The following TBC1D22B variants were observed in gnomAD, a reference collection of about 807,000 sequenced individuals.
TBC1D22B encodes the protein TBC1 domain family member 22B, also known as chromosome 6 open reading frame 197.
In TBC1D22B, 32 loss-of-function variants were observed where a neutral mutation model predicts 69.1. The ratio of observed to expected loss-of-function variants is 0.46; its 90% CI spans 0.35 to 0.62. The LOEUF is 0.62. Among genes scored for constraint, TBC1D22B ranks in the 20% least tolerant of loss-of-function variants. The probability of loss-of-function intolerance (pLI) is 0.00; values close to 1 mark genes in which losing one functional copy is unlikely to be tolerated. For synonymous variants in TBC1D22B, 206 were observed against 229.8 expected, an observed-to-expected ratio of 0.90 and a Z score of 0.94; for missense variants, 462 against 630.9, an observed-to-expected ratio of 0.73 and a Z score of 2.87.
At chr6:37,264,851 A>G (rs1766222260) in intron 1 of TBC1D22B, among the ~76,000 whole-genome samples, 1 of 152,178 alleles carries the variant, frequency 6.6e-6, no homozygotes, top group African/African-American at 2.4e-5. Context: ...GGGTTTAATA[A>G]GTTTGGAAGG....
intron 6 of TBC1D22B, among the ~76,000 whole-genome samples, chr6:37,286,273 T>C (rs544850316): frequency 2.6e-5 from 4 of 152,288 alleles, no homozygotes; most frequent in African/African-American, 9.6e-5. Flanking sequence ...TGTCAGTCAC[T>C]TCTTTCTGAA....
chr6:37,331,176 C>T lies in TBC1D22B; in HGVS notation c.*4C>T, dbSNP rs372761731. 23 of 1,613,934 alleles carry T rather than the reference C, an allele frequency of 1.4e-5. No individual in the cohort carries two copies. The highest frequency in any genetic ancestry group is 1.9e-5 in the Non-Finnish European group (22 of 1,179,864). On this transcript the variant is annotated 3_prime_UTR_variant, in exon 13 of 13. Coordinates refer to ENST00000373491, the MANE Select transcript of TBC1D22B (RefSeq NM_017772.4). Reference sequence around the variant, plus strand: ...CCCAAATCACTACCGCCGATAGGTGCTGTCTCCTCCGGGGACCCAGACTGC... The same window carrying T: ...CCCAAATCACTACCGCCGATAGGTGTTGTCTCCTCCGGGGACCCAGACTGC...
In TBC1D22B at chr6:37,313,760, C is replaced by T. The variant is rs1396372263; in HGVS notation, c.1090-56C>T. 1.5e-5 allele frequency: 22 copies of T among 1,515,982 alleles called. No individual in the cohort carries two copies. The East Asian group carries it at 4.7e-4, about 33-fold the overall frequency. The allele number at this position is 1,515,982 out of a possible 1,614,324, so 93.9% of individuals were successfully genotyped here. A position where few individuals can be genotyped will look rare whatever the true frequency, so the allele number is the denominator to read the frequency against. On this transcript the variant is annotated intron_variant, in intron 9 of 12. Transcript: ENST00000373491. ...CTTCTAAACGTGTTTCAGTGAATGTCAGGTGATAACACAAGTTAGAGTCCA... is the reference window on the plus strand; with the variant it reads ...CTTCTAAACGTGTTTCAGTGAATGTTAGGTGATAACACAAGTTAGAGTCCA...
At chr6:37,280,898 T>C (rs1766805886) in intron 3 of TBC1D22B, among the ~76,000 whole-genome samples, 1 of 152,016 alleles carries the variant, frequency 6.6e-6, no homozygotes, top group African/African-American at 2.4e-5. Context: ...TGTCTGTAAA[T>C]AGGTAATATG....
chr6:37,328,090 G>A (rs1581640600), intron 12 of TBC1D22B, among the ~76,000 whole-genome samples: 1 of 138,256 alleles, frequency 7.2e-6, no homozygotes, highest in Non-Finnish European at 1.5e-5. Flanking sequence ...GAGGCGGGCG[G>A]ATCACCTGAG....
chr6:37,286,765 G>A (rs1214107746), intron 6 of TBC1D22B, among the ~76,000 whole-genome samples: 1 of 149,844 alleles, frequency 6.7e-6, no homozygotes, highest in Non-Finnish European at 1.5e-5. Context: ...TCAACATGGT[G>A]AAACCCCGTC....
Position 37,325,643 on chromosome 6 carries a change from G to A in TBC1D22B, c.1390-5401G>A, listed in dbSNP as rs992991431. 4.2e-5 allele frequency among the ~76,000 whole-genome samples: 6 copies of A among 143,500 alleles called. No individual in the cohort carries two copies. In the South Asian group the frequency reaches 1.1e-3, roughly 27 times the overall value. The allele number at this position is 143,500 out of a possible 152,430, so 94.1% of individuals were successfully genotyped here. ...TGGCTCACTGCCACCTCTGCCTCCC[G>A]GGTTCAAGCAATTCTTCTGCCTCAG... On this transcript the variant is annotated intron_variant, in intron 12 of 12. Transcript: ENST00000373491.
At chr6:37,284,286 A>T in intron 5 of TBC1D22B, 50 bp from the exon 6 acceptor site, 1 of 1,613,272 alleles carries the variant, frequency 6.2e-7, no homozygotes, top group Non-Finnish European at 8.5e-7. Context: ...AAAATTAAGG[A>T]TTTATCCAAC....
intron 3 of TBC1D22B, 138 bp downstream of exon 3, chr6:37,279,749 T>G: frequency 1.0e-6 from 1 of 954,344 alleles, no homozygotes; most frequent in Non-Finnish European, 1.5e-6. Context: ...AGATGTGACA[T>G]CATTAAGCCT....
At chr6:37,286,925 C>A in intron 6 of TBC1D22B, 82 bp from the exon 7 acceptor site, 1 of 1,277,396 alleles carries the variant, frequency 7.8e-7, no homozygotes, top group Non-Finnish European at 1.1e-6. Context: ...GCCTGGGGGA[C>A]AAGAGCGAGA....
intron 2 of TBC1D22B, among the ~76,000 whole-genome samples, chr6:37,275,804 C>T (rs553423776): frequency 6.6e-6 from 1 of 152,148 alleles, no homozygotes; most frequent in South Asian, 2.1e-4. Context: ...TTATGTATCT[C>T]CTCTGGAGAG....
intron 12 of TBC1D22B, among the ~76,000 whole-genome samples, chr6:37,328,549 T>G (rs1022550145): frequency 2.0e-5 from 3 of 152,176 alleles, no homozygotes; most frequent in African/African-American, 7.2e-5. Flanking sequence ...CTACAAGGAA[T>G]TTTTAATATT....
chr6:37,258,120 C>A, intron 1 of TBC1D22B, 147 bp downstream of exon 1: 1 of 904,146 alleles, frequency 1.1e-6, no homozygotes, highest in Non-Finnish European at 1.6e-6. Flanking sequence ...GGGCAGCTGT[C>A]AGGCAGCGAA....
intron 8 of TBC1D22B, among the ~76,000 whole-genome samples, chr6:37,305,346 C>G (rs73421984): frequency 9.2e-5 from 14 of 152,156 alleles, no homozygotes; most frequent in African/African-American, 2.7e-4. Context: ...CATACATGCA[C>G]AGTTCGATGA....
At chr6:37,266,999 C>T (rs867062879) in intron 1 of TBC1D22B, among the ~76,000 whole-genome samples, 13 of 134,108 alleles carry the variant, frequency 9.7e-5, no homozygotes, top group South Asian at 2.3e-4. Flanking sequence ...TGCAGTGACA[C>T]GATGATAGGT....
At chr6:37,313,502 A>C (rs1473028753) in intron 9 of TBC1D22B, among the ~76,000 whole-genome samples, 4 of 151,762 alleles carry the variant, frequency 2.6e-5, no homozygotes, top group African/African-American at 9.7e-5. Flanking sequence ...AAAAAAAAAA[A>C]ACAAAACAGT....
intron 8 of TBC1D22B, among the ~76,000 whole-genome samples, chr6:37,295,199 G>T (rs989604925): frequency 1.3e-5 from 2 of 151,972 alleles, no homozygotes; most frequent in African/African-American, 4.8e-5. Flanking sequence ...CAAACTCCTG[G>T]GCTCAAGTGA....
chr6:37,291,429 C>T (rs1767179081), intron 8 of TBC1D22B, 72 bp downstream of exon 8: 2 of 1,133,626 alleles, frequency 1.8e-6, no homozygotes, highest in Non-Finnish European at 2.5e-6. Flanking sequence ...TTTGTTTTTC[C>T]CAAGAGTCCA....
At position 37,279,363 on chromosome 6, in the gene TBC1D22B, G is replaced by A; in HGVS notation, c.173G>A (p.Ser58Asn). ...CCTCTGAAGAATAAGAAGGCCTCCAGTTTTCATGAGTTTGCACGGAATACC... is the reference window on the plus strand; with the variant it reads ...CCTCTGAAGAATAAGAAGGCCTCCAATTTTCATGAGTTTGCACGGAATACC... ...TVPLKNKKAS[S>N]FHEFARNTSD... Residue 58 changes from serine to asparagine, a missense_variant, in exon 3 of 13, where the codon AGT (serine) becomes AAT (asparagine). This residue lies in a region of TBC1D22B where 237 missense variants were observed against 255.4 expected (regional missense o/e 0.93). Coordinates refer to ENST00000373491, the MANE Select transcript of TBC1D22B (RefSeq NM_017772.4). The A allele has an allele frequency of 6.2e-7, 1 of 1,614,062 alleles. No homozygotes were observed. Among genetic ancestry groups the A allele is most frequent in the Non-Finnish European group, 8.5e-7 (1 of 1,179,988 alleles).
Sources: gnomAD v4.1 joint callset for allele counts (sites outside exome capture counted in the v4.1 genomes callset) on GRCh38, gnomAD v4.1.1 for gene constraint, gnomAD v4.1.1 regional missense constraint, MANE v1.5 for transcripts, NCBI Gene and HGNC (gene_info 2026-07-23, HGNC 2026-07-21) for gene names.